CNST: variants seen among roughly 807,000 people sequenced by gnomAD.
CNST encodes the protein consortin, connexin sorting protein.
Under a neutral mutation model 72.4 loss-of-function variants are expected in CNST, and 39 were observed. The observed-to-expected ratio is 0.54, with a 90% confidence interval of 0.42 to 0.70. The LOEUF (loss-of-function observed/expected upper bound fraction) is 0.70. Ranked by LOEUF, CNST falls within the 30% of genes least tolerant of loss-of-function variation. CNST has a pLI of 0.00. For synonymous variants in CNST, 332 were observed against 320.1 expected, an observed-to-expected ratio of 1.04 and a Z score of -0.40; for missense variants, 871 against 868.5, an observed-to-expected ratio of 1.00 and a Z score of -0.04.
At chr1:246,594,962 C>T (rs1238909271) in intron 2 of CNST, among the ~76,000 whole-genome samples, 3 of 152,124 alleles carry the variant, frequency 2.0e-5, no homozygotes, top group Non-Finnish European at 4.4e-5. Flanking sequence ...AGATGGTATA[C>T]TCTATACTTG....
intron 1 of CNST, among the ~76,000 whole-genome samples, chr1:246,581,993 A>G (rs1404105097): frequency 9.2e-5 from 14 of 152,192 alleles, no homozygotes; most frequent in Admixed American, 9.2e-4. Context: ...GTTTTTTTAA[A>G]TAGAAGTGTC....
rs1370576065 is a variant in CNST at position 246,641,978 on chromosome 1, C to G, written c.878C>G (p.Ser293Cys). 1.2e-6 allele frequency: 2 copies of G among 1,612,840 alleles called. No homozygotes were observed. Among genetic ancestry groups the G allele is most frequent in the South Asian group, 2.2e-5 (2 of 90,872 alleles). Reference sequence around the variant, plus strand: ...GAGAAGTCCCAGGAAAGGAAATGCTCCACGCAGTTACTAGTGTCTGAAGAT... The same window carrying G: ...GAGAAGTCCCAGGAAAGGAAATGCTGCACGCAGTTACTAGTGTCTGAAGAT... ...AVEKSQERKC[S>C]TQLLVSEDPK... The change falls in exon 8 of 11, where the codon TCC (serine) becomes TGC (cysteine). Residue 293 changes from serine to cysteine, a missense_variant. Ser to Cys is a moderately radical substitution (Grantham distance 112). Transcript: ENST00000366513.
chr1:246,651,255 CCCCCTCCA>C (rs1225562495), intron 9 of CNST, among the ~76,000 whole-genome samples: 1 of 146,814 alleles, frequency 6.8e-6, no homozygotes, highest in African/African-American at 2.7e-5. Flanking sequence ...AATGAGTCTG[CCCCCTCCA>C]CCCCTCCACG....
At chr1:246,651,440 G>C (rs115146317) in intron 9 of CNST, among the ~76,000 whole-genome samples, 1 of 152,084 alleles carries the variant, frequency 6.6e-6, no homozygotes, top group Non-Finnish European at 1.5e-5. Context: ...TTGTCTGTCT[G>C]CTTTCATTTT....
At chr1:246,579,269 C>G (rs575298714) in intron 1 of CNST, among the ~76,000 whole-genome samples, 1 of 152,050 alleles carries the variant, frequency 6.6e-6, no homozygotes, top group Non-Finnish European at 1.5e-5. Context: ...TTTGCAGATC[C>G]CTGGTCAGCT....
chr1:246,642,151 T>TTTTTTTTTTTTTC (rs1665758928), intron 8 of CNST, 114 bp downstream of exon 8: 2 of 597,022 alleles, frequency 3.3e-6, no homozygotes, highest in African/African-American at 4.1e-5. Flanking sequence ...TTTTTTTTTT[T>TTTTTTTTTTTTTC]TTTGCACTTA....
chr1:246,651,794 T>C (rs1279862350), intron 9 of CNST, among the ~76,000 whole-genome samples: 1 of 152,212 alleles, frequency 6.6e-6, no homozygotes. Flanking sequence ...CTGTATACTG[T>C]TTTTAAAAAG....
chr1:246,577,620 C>T (rs533583587), intron 1 of CNST, among the ~76,000 whole-genome samples: 26 of 152,022 alleles, frequency 1.7e-4, no homozygotes, highest in Non-Finnish European at 2.9e-4. Flanking sequence ...TTTCATTTTG[C>T]CTTTTTAATG....
intron 1 of CNST, among the ~76,000 whole-genome samples, chr1:246,574,280 A>T (rs1256608411): frequency 6.6e-6 from 1 of 152,178 alleles, no homozygotes; most frequent in Non-Finnish European, 1.5e-5. Context: ...TTACCTTGTG[A>T]TCCGCCCGCC....
intron 9 of CNST, among the ~76,000 whole-genome samples, chr1:246,649,874 G>T (rs1016944299): frequency 2.0e-5 from 3 of 150,342 alleles, no homozygotes; most frequent in African/African-American, 7.4e-5. Context: ...TTGAGTTTTG[G>T]TAACCTTTAT....
Position 246,591,964 on chromosome 1 carries a change from T to C in CNST, c.379+23T>C, listed in dbSNP as rs1661573915. 4 of 1,555,832 alleles carry C rather than the reference T, an allele frequency of 2.6e-6. No individual in the cohort carries two copies. In the East Asian group the frequency reaches 9.0e-5, roughly 35 times the overall value. ...CAGGTATTGTTTAAAATAGTATTTA[T>C]CCTCTTCTTTAATTAATTAAAAATG... On this transcript the variant is annotated intron_variant, in intron 2 of 10. Coordinates refer to ENST00000366513, the MANE Select transcript of CNST (RefSeq NM_152609.3).
intron 1 of CNST, among the ~76,000 whole-genome samples, chr1:246,579,281 T>C (rs1220839057): frequency 3.9e-5 from 6 of 152,218 alleles, no homozygotes; most frequent in Admixed American, 2.6e-4. Context: ...TGGTCAGCTT[T>C]TTCTCTTTCC....
At chr1:246,603,856 G>A (rs1250342341) in intron 2 of CNST, among the ~76,000 whole-genome samples, 3 of 152,188 alleles carry the variant, frequency 2.0e-5, no homozygotes, top group Admixed American at 2.0e-4. Context: ...ACATGGTGAT[G>A]GTTGTACAAC....
intron 4 of CNST, 121 bp from the exon 5 acceptor site, chr1:246,633,803 T>G: frequency 1.6e-6 from 1 of 606,872 alleles, no homozygotes; most frequent in Middle Eastern, 3.4e-4. Flanking sequence ...TTAAAAATAT[T>G]TAGAGTCCTC....
intron 9 of CNST, among the ~76,000 whole-genome samples, chr1:246,649,697 T>C (rs1393561119): frequency 6.6e-6 from 1 of 152,064 alleles, no homozygotes; most frequent in East Asian, 1.9e-4. Context: ...AGTTACACAC[T>C]GATAATCATA....
At chr1:246,665,069 CTG>C (rs1475083382) in intron 10 of CNST, among the ~76,000 whole-genome samples, 1 of 152,116 alleles carries the variant, frequency 6.6e-6, no homozygotes, top group Admixed American at 6.6e-5. Context: ...GTACTGTAGA[CTG>C]TCAAATAATG....
At chr1:246,582,721 C>G (rs1660880015) in intron 1 of CNST, among the ~76,000 whole-genome samples, 1 of 152,216 alleles carries the variant, frequency 6.6e-6, no homozygotes, top group African/African-American at 2.4e-5. Context: ...ATTCGCTGTT[C>G]ATTCTGTACT....
At position 246,647,462 on chromosome 1, in the gene CNST, C is replaced by CCTAAGG; in HGVS notation, c.1262_1267dup (p.Lys422_Val423insAlaLys). ...CAGAATAGAGGGCATTGCTGAAGAC[C>CCTAAGG]CTAAGGTGTTTCTTTCCAGCAAGTC... On this transcript the variant is annotated inframe_insertion, in exon 9 of 11. Coordinates refer to ENST00000366513, the MANE Select transcript of CNST (RefSeq NM_152609.3). 6.2e-7 allele frequency: 1 copy of CCTAAGG among 1,614,134 alleles called. No individual in the cohort carries two copies. The highest frequency in any genetic ancestry group is 8.5e-7 in the Non-Finnish European group (1 of 1,180,050).
At chr1:246,656,501 T>A (rs1224805522) in intron 9 of CNST, among the ~76,000 whole-genome samples, 1 of 152,224 alleles carries the variant, frequency 6.6e-6, no homozygotes. Context: ...TTGGTCTCAA[T>A]AGAAGGGCTT....
Sources: gnomAD v4.1 joint callset for allele counts (sites outside exome capture counted in the v4.1 genomes callset) on GRCh38, gnomAD v4.1.1 for gene constraint, MANE v1.5 for transcripts, NCBI Gene and HGNC (gene_info 2026-07-23, HGNC 2026-07-21) for gene names.